CORO2B: variants seen among roughly 807,000 people sequenced by gnomAD.
CORO2B encodes coronin-2B.
CORO2B carries 26 observed loss-of-function variants against 58.8 expected under a neutral mutation model. That is an observed-to-expected ratio of 0.44 (90% CI 0.32 to 0.61). CORO2B has a LOEUF of 0.61. Among genes scored for constraint, CORO2B ranks in the 20% least tolerant of loss-of-function variants. The pLI, the probability that CORO2B is intolerant of heterozygous loss-of-function variation, is 0.04. For synonymous variants in CORO2B, 242 were observed against 253.8 expected, an observed-to-expected ratio of 0.95 and a Z score of 0.44; for missense variants, 460 against 645.1, an observed-to-expected ratio of 0.71 and a Z score of 3.11.
chr15:68,669,069 AAG>A (rs113835286), intron 2 of CORO2B, among the ~76,000 whole-genome samples: 46 of 145,778 alleles, frequency 3.2e-4, no homozygotes, highest in East Asian at 7.8e-4. Flanking sequence ...GAAAGAGAGA[AAG>A]AGAGAGAGAG....
At chr15:68,535,182 G>T in the CORO2B span, among the ~76,000 whole-genome samples, 1 of 152,134 alleles carries the variant, frequency 6.6e-6, no homozygotes, top group Non-Finnish European at 1.5e-5. Flanking sequence ...TGGTTCCTTT[G>T]ATCATGTTTC....
the CORO2B span, among the ~76,000 whole-genome samples, chr15:68,535,971 A>G: frequency 4.7e-5 from 7 of 149,734 alleles, no homozygotes; most frequent in African/African-American, 1.7e-4. Flanking sequence ...TAATAATGTT[A>G]TGTCATTTAT....
rs769688476 is a variant in CORO2B, at chr15:68,645,054, C to A, written c.16-106C>A. The stretch of plus-strand genomic sequence containing the variant: ...CCTGACAGGGGACCCAGGGCCTGCT[C>A]ACCTGCTGCACCTCTGAGCCGCAGC... On this transcript the variant is annotated intron_variant, in intron 1 of 11. Coordinates refer to ENST00000261861, the MANE Select transcript of CORO2B (RefSeq NM_006091.5). The surrounding 1 kb of genome is among the most constrained non-coding windows in gnomAD (Gnocchi z 4.5). The A allele has an allele frequency of 8.6e-6, 10 of 1,167,596 alleles. No individual in the cohort carries two copies. The highest frequency in any genetic ancestry group is 1.5e-5 in the African/African-American group (1 of 65,118). The allele number at this position is 1,167,596 out of a possible 1,614,324, so 72.3% of individuals were successfully genotyped here. A position where few individuals can be genotyped will look rare whatever the true frequency, so the allele number is the denominator to read the frequency against.
intron 1 of CORO2B, among the ~76,000 whole-genome samples, chr15:68,598,608 C>T (rs1369115263): frequency 1.3e-5 from 2 of 152,128 alleles, no homozygotes; most frequent in Non-Finnish European, 2.9e-5. Flanking sequence ...CATTCCTGCC[C>T]TGGAGCCCGC....
chr15:68,626,870 C>T (rs1185000575), intron 1 of CORO2B, among the ~76,000 whole-genome samples: 1 of 152,192 alleles, frequency 6.6e-6, no homozygotes, highest in East Asian at 1.9e-4. Flanking sequence ...CTCTCTGTGT[C>T]AGTTTCCCTG....
chr15:68,582,651 G>A (rs1160838520), intron 1 of CORO2B, among the ~76,000 whole-genome samples: 2 of 152,208 alleles, frequency 1.3e-5, no homozygotes, highest in Admixed American at 6.5e-5. Flanking sequence ...TAATAGAGTC[G>A]TGTGTAAAGT....
chr15:68,585,469 A>G (rs1899527199), intron 1 of CORO2B, among the ~76,000 whole-genome samples: 1 of 152,162 alleles, frequency 6.6e-6, no homozygotes, highest in African/African-American at 2.4e-5. Flanking sequence ...CCCATTTTCT[A>G]GAGGAGGAGA....
chr15:68,698,808 T>G (rs937099), intron 3 of CORO2B, among the ~76,000 whole-genome samples: 137,678 of 152,148 alleles, frequency 0.9, 63,018 homozygotes, highest in East Asian at 1. Flanking sequence ...TCCCTTCATC[T>G]ATGCCTGCTC....
chr15:68,531,419 C>T, the CORO2B span, among the ~76,000 whole-genome samples: 3 of 151,790 alleles, frequency 2.0e-5, no homozygotes, highest in Non-Finnish European at 4.4e-5. Flanking sequence ...ATCACTTGAA[C>T]CCAGGAGATG....
intron 1 of CORO2B, among the ~76,000 whole-genome samples, chr15:68,611,407 T>TC (rs1462366770): frequency 3.3e-5 from 5 of 152,220 alleles, no homozygotes; most frequent in Non-Finnish European, 7.3e-5. Context: ...TTGTTTTTTT[T>TC]CCCCTATGAC....
chr15:68,575,577 G>GCACCC (rs370419859), upstream of CORO2B, among the ~76,000 whole-genome samples: 3 of 38,752 alleles, frequency 7.7e-5, 1 homozygote, highest in African/African-American at 2.0e-4. Flanking sequence ...CTTGTGATCT[G>GCACCC]CCCCCGCCTC....
At chr15:68,697,204 G>T (rs1892535234) in intron 3 of CORO2B, among the ~76,000 whole-genome samples, 1 of 151,938 alleles carries the variant, frequency 6.6e-6, no homozygotes, top group African/African-American at 2.4e-5. Context: ...ATGGATGGAT[G>T]GATGGATTGT....
chr15:68,567,100 C>T, the CORO2B span, among the ~76,000 whole-genome samples: 1 of 152,176 alleles, frequency 6.6e-6, no homozygotes, highest in Non-Finnish European at 1.5e-5. Flanking sequence ...TTAAATGAAA[C>T]AGGGTATACC....
At chr15:68,684,066 G>T (rs1017143705) in intron 2 of CORO2B, among the ~76,000 whole-genome samples, 1 of 152,178 alleles carries the variant, frequency 6.6e-6, no homozygotes, top group Non-Finnish European at 1.5e-5. Flanking sequence ...CAGTGTGTAA[G>T]GTGGATTGGA....
At chr15:68,595,106 T>C (rs1315014064) in intron 1 of CORO2B, among the ~76,000 whole-genome samples, 1 of 152,226 alleles carries the variant, frequency 6.6e-6, no homozygotes, top group Non-Finnish European at 1.5e-5. Context: ...CATTGTACCA[T>C]GCAAAGTCCC....
chr15:68,542,512 CTG>C, the CORO2B span, among the ~76,000 whole-genome samples: 1 of 152,232 alleles, frequency 6.6e-6, no homozygotes, highest in African/African-American at 2.4e-5. Context: ...GTACAAATTT[CTG>C]TGTTAGTCAG....
chr15:68,695,333 C>G lies in CORO2B; in HGVS notation c.333+77C>G, dbSNP rs1047725775. 8 of 997,768 alleles carry G rather than the reference C, an allele frequency of 8.0e-6. 1 individual carries two copies. The highest frequency in any genetic ancestry group is 3.4e-5 in the Admixed American group (2 of 58,660). 61.8% of individuals were successfully genotyped at this position (997,768 alleles called of 1,614,324 possible). On this transcript the variant is annotated intron_variant, in intron 3 of 11. Coordinates refer to ENST00000261861, the MANE Select transcript of CORO2B (RefSeq NM_006091.5). ...TCCTTTGGAGGCCTCTCTTCCTACC[C>G]TCCCCTCCTCCACCCTTTGCCCTTC...
upstream of CORO2B, chr15:68,578,959 C>T (rs1169616457): frequency 2.3e-6 from 2 of 873,128 alleles, no homozygotes; most frequent in African/African-American, 1.8e-5. This position sits in a 1 kb window ranked among gnomAD's most constrained non-coding sequence, Gnocchi z 4.2. Flanking sequence ...CCTCCCCCCG[C>T]CCCCCAGCCC....
chr15:68,716,874 G>A (rs190080401), intron 8 of CORO2B, among the ~76,000 whole-genome samples: 1 of 151,664 alleles, frequency 6.6e-6, no homozygotes, highest in African/African-American at 2.4e-5. Flanking sequence ...CATCGGAGAG[G>A]GGGGCAGGGG....
Sources: gnomAD v4.1 joint callset for allele counts (sites outside exome capture counted in the v4.1 genomes callset) on GRCh38, gnomAD v4.1.1 for gene constraint, Gnocchi (gnomAD v3.1) non-coding constraint, MANE v1.5 for transcripts, NCBI Gene and HGNC (gene_info 2026-07-23, HGNC 2026-07-21) for gene names.